AGBL4: variants seen among roughly 807,000 people sequenced by gnomAD.
The protein encoded by AGBL4 is cytosolic carboxypeptidase 6.
Under a neutral mutation model 66.4 loss-of-function variants are expected in AGBL4, and 58 were observed. The observed-to-expected ratio is 0.87, with a 90% CI of 0.71 to 1.09. The LOEUF (loss-of-function observed/expected upper bound fraction) is 1.09, where lower values mean the gene tolerates loss of function less well. Among genes scored for constraint, AGBL4 ranks in the 50% least tolerant of loss-of-function variants. The probability of loss-of-function intolerance (pLI) is 0.00; values close to 1 mark genes in which losing one functional copy is unlikely to be tolerated. For synonymous variants in AGBL4, 234 were observed against 222.9 expected, an observed-to-expected ratio of 1.05 and a Z score of -0.44; for missense variants, 579 against 631.0, an observed-to-expected ratio of 0.92 and a Z score of 0.88.
chr1:49,082,845 T>G (rs1298683672), intron 4 of AGBL4, among the ~76,000 whole-genome samples: 1 of 152,138 alleles, frequency 6.6e-6, no homozygotes, highest in Non-Finnish European at 1.5e-5. Flanking sequence ...GCCTGTAAAA[T>G]CAAAAGCAAG....
chr1:49,992,366 C>T (rs1029450480), intron 1 of AGBL4, among the ~76,000 whole-genome samples: 3 of 145,406 alleles, frequency 2.1e-5, no homozygotes, highest in Non-Finnish European at 3.0e-5. Flanking sequence ...AGTGAGACTC[C>T]GTCTCAAAAA....
At chr1:48,716,154 C>T (rs1647046964) in intron 6 of AGBL4, among the ~76,000 whole-genome samples, 2 of 152,204 alleles carry the variant, frequency 1.3e-5, no homozygotes, top group South Asian at 4.1e-4. Flanking sequence ...CTTGGAGTGG[C>T]AGCCACTCTG....
chr1:49,251,458 T>C (rs1186006660), intron 3 of AGBL4, among the ~76,000 whole-genome samples: 1 of 151,974 alleles, frequency 6.6e-6, no homozygotes, highest in African/African-American at 2.4e-5. Context: ...GTAACACTGC[T>C]CAGAGCACAG....
intron 6 of AGBL4, among the ~76,000 whole-genome samples, chr1:48,760,560 A>G (rs1186338401): frequency 6.6e-6 from 1 of 152,170 alleles, no homozygotes; most frequent in Non-Finnish European, 1.5e-5. Context: ...ATAATGTGAG[A>G]CCCCTGGAGG....
intron 4 of AGBL4, among the ~76,000 whole-genome samples, chr1:49,167,613 G>A (rs1205628513): frequency 6.6e-6 from 1 of 152,194 alleles, no homozygotes; most frequent in Non-Finnish European, 1.5e-5. Flanking sequence ...TATAGAAAGA[G>A]CATAGCAGGC....
chr1:50,014,442 A>T (rs1359296388), intron 1 of AGBL4, among the ~76,000 whole-genome samples: 1 of 151,930 alleles, frequency 6.6e-6, no homozygotes, highest in Non-Finnish European at 1.5e-5. Flanking sequence ...CTGCTCTAAT[A>T]CAAATGTTAT....
At chr1:49,030,347 G>A (rs563798319) in intron 5 of AGBL4, among the ~76,000 whole-genome samples, 3 of 152,090 alleles carry the variant, frequency 2.0e-5, no homozygotes, top group African/African-American at 7.2e-5. Context: ...ACCAGGAAGT[G>A]GGCCCTCAAC....
At chr1:49,249,767 C>A (rs1466556129) in intron 3 of AGBL4, among the ~76,000 whole-genome samples, 1 of 152,202 alleles carries the variant, frequency 6.6e-6, no homozygotes, top group Admixed American at 6.5e-5. Flanking sequence ...GGTATCTGCA[C>A]TCCCATGCTT....
At chr1:49,344,162 A>C (rs1048887947) in intron 3 of AGBL4, among the ~76,000 whole-genome samples, 1 of 152,192 alleles carries the variant, frequency 6.6e-6, no homozygotes, top group Non-Finnish European at 1.5e-5. Context: ...ATACACGATT[A>C]AAATCACTTA....
chr1:48,528,955 T>A (rs1331650564), downstream of AGBL4, among the ~76,000 whole-genome samples: 2 of 152,048 alleles, frequency 1.3e-5, no homozygotes, highest in Non-Finnish European at 2.9e-5. Context: ...GCTGGGTGAA[T>A]ATCATGTTCA....
chr1:48,987,623 T>C (rs929036463), intron 5 of AGBL4, among the ~76,000 whole-genome samples: 1 of 152,096 alleles, frequency 6.6e-6, no homozygotes, highest in Non-Finnish European at 1.5e-5. Context: ...AGAAAGGATA[T>C]AGACGATTTG....
chr1:49,836,507 C>A (rs917926665), intron 2 of AGBL4, among the ~76,000 whole-genome samples: 3 of 152,170 alleles, frequency 2.0e-5, no homozygotes, highest in African/African-American at 2.4e-5. Flanking sequence ...AGCTTCCTTG[C>A]ATTGGGTTAG....
chr1:48,522,524 A>G, the AGBL4 span, among the ~76,000 whole-genome samples: 1 of 152,180 alleles, frequency 6.6e-6, no homozygotes, highest in Non-Finnish European at 1.5e-5. Flanking sequence ...ATCAACACTT[A>G]AGATAAAACA....
intron 2 of AGBL4, among the ~76,000 whole-genome samples, chr1:49,724,397 C>G (rs1186130490): frequency 1.3e-5 from 2 of 152,192 alleles, no homozygotes. Context: ...ATTGTTGTGG[C>G]TATAACAGCA....
At chr1:49,622,628 CAAAAAAAAAAAAAAAAAAA>C (rs71059557) in intron 3 of AGBL4, among the ~76,000 whole-genome samples, 11 of 65,488 alleles carry the variant, frequency 1.7e-4, no homozygotes, top group African/African-American at 6.2e-5. Flanking sequence ...GACTCCGTCT[CAAAAAAAAAAAAAAAAAAA>C]AAAAAAAGAA....
chr1:49,431,097 C>T (rs1401542216), intron 3 of AGBL4, among the ~76,000 whole-genome samples: 1 of 152,092 alleles, frequency 6.6e-6, no homozygotes, highest in Non-Finnish European at 1.5e-5. Context: ...CTGCTATGGG[C>T]ATGTGTTTTG....
At position 49,853,247 on chromosome 1, in the gene AGBL4, A is replaced by G. The variant is rs183267096; in HGVS notation, c.35-1729T>C. Among the ~76,000 whole-genome samples the G allele has an allele frequency of 1.4e-4, 21 of 152,312 alleles. No homozygotes were observed. In the East Asian group the frequency reaches 4.1e-3, roughly 29 times the overall value. On this transcript the variant is annotated intron_variant, in intron 1 of 13. Transcript: ENST00000371839. ...GTTAAAGGCTGTAGTGGAAAATGAG[A>G]ACAAAATTCATGAAGAAATGGGAAA... is the stretch of plus-strand genomic sequence containing the variant.
intron 1 of AGBL4, among the ~76,000 whole-genome samples, chr1:49,977,967 A>C (rs1427556786): frequency 6.6e-6 from 1 of 152,216 alleles, no homozygotes. Context: ...TTCTGCTGGT[A>C]CATATCCTTA....
At chr1:49,946,671 C>A (rs959843410) in intron 1 of AGBL4, among the ~76,000 whole-genome samples, 1 of 151,340 alleles carries the variant, frequency 6.6e-6, no homozygotes, top group Non-Finnish European at 1.5e-5. Context: ...CAAACCAAAC[C>A]GAAATCCAGC....
Sources: gnomAD v4.1 joint callset for allele counts (sites outside exome capture counted in the v4.1 genomes callset) on GRCh38, gnomAD v4.1.1 for gene constraint, MANE v1.5 for transcripts, NCBI Gene and HGNC (gene_info 2026-07-23, HGNC 2026-07-21) for gene names.